TCF21: variants seen among roughly 807,000 people sequenced by gnomAD.
TCF21 encodes capsulin.
Under a neutral mutation model 13.5 loss-of-function variants are expected in TCF21, and 3 were observed. The ratio of observed to expected loss-of-function variants is 0.22; its 90% CI spans 0.10 to 0.57. TCF21 has a LOEUF of 0.57. Among genes scored for constraint, TCF21 ranks in the 20% least tolerant of loss-of-function variants. The pLI is 0.92. For synonymous variants in TCF21, 92 were observed against 101.7 expected, an observed-to-expected ratio of 0.90 and a Z score of 0.57; for missense variants, 181 against 238.4, an observed-to-expected ratio of 0.76 and a Z score of 1.59.
chr6:133,891,193 A>C (rs951070482), intron 1 of TCF21, among the ~76,000 whole-genome samples: 1 of 152,242 alleles, frequency 6.6e-6, no homozygotes, highest in Admixed American at 6.5e-5. Context: ...TTGCGATGGA[A>C]GAAACGAAAG....
At position 133,891,933 on chromosome 6, in the gene TCF21, G is replaced by T. The variant is rs536221601; in HGVS notation, c.*131G>T. ...CTCCTCTCTCTGTCCCACCCCGCGA[G>T]AACACTTTACAACGACGAGGAGATT... On this transcript the variant is annotated 3_prime_UTR_variant, in exon 2 of 2. Transcript: ENST00000367882. The T allele has an allele frequency of 6.9e-4, 615 of 890,050 alleles. 11 individuals are homozygous for T. The South Asian group carries it at 9.3e-3, about 13-fold the overall frequency. 55.1% of individuals were successfully genotyped at this position (890,050 alleles called of 1,614,324 possible).
chr6:133,890,161 C>T (rs1775186873), intron 1 of TCF21, among the ~76,000 whole-genome samples: 1 of 152,230 alleles, frequency 6.6e-6, no homozygotes, highest in South Asian at 2.1e-4. Flanking sequence ...TCGCCATCCT[C>T]CCTGGGGTGC....
downstream of TCF21, chr6:133,893,656 C>T (rs1052011892): frequency 6.6e-6 from 1 of 152,234 alleles, no homozygotes; most frequent in Non-Finnish European, 1.5e-5. Flanking sequence ...CTCCCACTCA[C>T]GTTTTTACAA....
downstream of TCF21, chr6:133,894,053 G>A (rs1451158414): frequency 6.6e-6 from 1 of 152,164 alleles, no homozygotes; most frequent in Admixed American, 6.5e-5. Flanking sequence ...CTTGGTAAAG[G>A]AAAAGCTCCG....
downstream of TCF21, chr6:133,894,473 A>C (rs1443245233): frequency 6.6e-6 from 1 of 152,204 alleles, no homozygotes; most frequent in Non-Finnish European, 1.5e-5. Context: ...AGTGAGGATC[A>C]AGGTGGGAAT....
rs1277108714 is a variant in TCF21 at position 133,891,814 on chromosome 6, C to T, written c.*12C>T. ...CCACCGCGTCCTGACCTTGGAGGTG[C>T]GAGTCTGGGAAAGGCGCGCTCCCGG... On this transcript the variant is annotated 3_prime_UTR_variant, in exon 2 of 2. Transcript: ENST00000367882. The T allele has an allele frequency of 2.8e-5, 45 of 1,613,292 alleles. No individual in the cohort carries two copies. Among genetic ancestry groups the T allele is most frequent in the Non-Finnish European group, 3.6e-5 (43 of 1,179,536 alleles).
In TCF21 at chr6:133,889,327, C is replaced by T; in HGVS notation, c.-71C>T. The T allele has an allele frequency of 1.9e-6, 3 of 1,588,174 alleles. No individual in the cohort carries two copies. In the South Asian group the frequency reaches 3.3e-5, roughly 18 times the overall value. Reference sequence around the variant, plus strand: ...GGTTTCAGGGTCTCTCTGTCTCTCTCTCACCCTCTTCCTCGCTTTCTCTGT... The same window carrying T: ...GGTTTCAGGGTCTCTCTGTCTCTCTTTCACCCTCTTCCTCGCTTTCTCTGT... On this transcript the variant is annotated 5_prime_UTR_variant, in exon 1 of 2. Coordinates refer to ENST00000367882, the MANE Select transcript of TCF21 (RefSeq NM_003206.4). The surrounding 1 kb of genome is among the most constrained non-coding windows in gnomAD (Gnocchi z 5.1).
Position 133,889,481 on chromosome 6 carries a change from C to A in TCF21, c.84C>A (p.Asn28Lys). 1 of 1,614,098 alleles carries A rather than the reference C, an allele frequency of 6.2e-7. No individual in the cohort carries two copies. ...GTGACGGGTTGAAAATGGATTCGAA[C>A]AAGGAATTTGTGACTTCCAACGAGA... Reference protein sequence around the residue: ...LECDGLKMDSNKEFVTSNEST... With the variant: ...LECDGLKMDSKKEFVTSNEST... The change falls in exon 1 of 2, where the codon AAC becomes AAA. Residue 28 changes from asparagine to lysine, a missense_variant. Around this residue, in one of 3 missense-constraint regions of TCF21, gnomAD observed 91 missense variants for 98.5 expected, o/e 0.92. Coordinates refer to ENST00000367882, the MANE Select transcript of TCF21 (RefSeq NM_003206.4). The surrounding 1 kb of genome is among the most constrained non-coding windows in gnomAD (Gnocchi z 5.1).
rs1002340232 is a variant in TCF21, at chr6:133,889,191, C to A, written c.-207C>A. 4.8e-6 allele frequency: 3 copies of A among 621,424 alleles called. No individual in the cohort carries two copies. The African/African-American group carries it at 5.5e-5, about 11-fold the overall frequency. 38.5% of individuals were successfully genotyped at this position (621,424 alleles called of 1,614,324 possible). ...AGCCGGTTCCTCTGCTGCAGAAGTC[C>A]TCGGGGTTCCTTCTCACAACTCTGC... On this transcript the variant is annotated 5_prime_UTR_variant, in exon 1 of 2. Coordinates refer to ENST00000367882, the MANE Select transcript of TCF21 (RefSeq NM_003206.4). The surrounding 1 kb of genome is among the most constrained non-coding windows in gnomAD (Gnocchi z 5.1).
chr6:133,890,340 A>G (rs1775190664), intron 1 of TCF21, among the ~76,000 whole-genome samples: 1 of 152,206 alleles, frequency 6.6e-6, no homozygotes, highest in Non-Finnish European at 1.5e-5. Flanking sequence ...CCATTGGATA[A>G]GGACACATCT....
At chr6:133,893,328 G>T (rs1416298966), downstream of TCF21, 1 of 152,396 alleles carries the variant, frequency 6.6e-6, no homozygotes, top group Non-Finnish European at 1.5e-5. Flanking sequence ...TTACCAAGGG[G>T]TGGCGACCAC....
In TCF21 at chr6:133,889,869, G is replaced by A. The variant is rs376363578; in HGVS notation, c.450+22G>A. 142 of 1,612,276 alleles carry A rather than the reference G, an allele frequency of 8.8e-5. No individual in the cohort carries two copies. The highest frequency in any genetic ancestry group is 9.7e-5 in the Non-Finnish European group (115 of 1,179,612). ...CCTGGTGAGTGCTCCCGGGGCTGCA[G>A]CTGCAGTCCAGGCGCGCCCGCACTC... On this transcript the variant is annotated intron_variant, in intron 1 of 1. Transcript: ENST00000367882. The surrounding 1 kb of genome is among the most constrained non-coding windows in gnomAD (Gnocchi z 5.1).
At chr6:133,891,651 C>G (rs13217297) in intron 1 of TCF21, 62 bp from the exon 2 acceptor site, 5 of 1,515,624 alleles carry the variant, frequency 3.3e-6, no homozygotes, top group Non-Finnish European at 4.5e-6. Context: ...TCTCAGGCCC[C>G]GAGTCCACCC....
In TCF21 at chr6:133,889,362, T is replaced by TCC. The variant is rs1554298829; in HGVS notation, c.-35_-34insCC. 1 of 1,569,360 alleles carries TCC rather than the reference T, an allele frequency of 6.4e-7. No homozygotes were observed. On this transcript the variant is annotated 5_prime_UTR_variant, in exon 1 of 2. Transcript: ENST00000367882. The surrounding 1 kb of genome is among the most constrained non-coding windows in gnomAD (Gnocchi z 5.1). ...TCCTCGCTTTCTCTGTCTCTCTGTCTCTCTCTCTCTCTCTCCCTCGTCCAC... is the reference window on the plus strand; with the variant it reads ...TCCTCGCTTTCTCTGTCTCTCTGTCTCCCTCTCTCTCTCTCTCCCTCGTCCAC...
Position 133,889,840 on chromosome 6 carries a change from T to G in TCF21, c.443T>G (p.Val148Gly). The G allele has an allele frequency of 6.2e-7, 1 of 1,612,760 alleles. No individual in the cohort carries two copies. The highest frequency in any genetic ancestry group is 8.5e-7 in the Non-Finnish European group (1 of 1,179,792). Residue 148 changes from valine to glycine, a missense_variant, in exon 1 of 2, where the codon GTC (valine) becomes GGC (glycine). Val to Gly is a moderately radical substitution (Grantham distance 109, BLOSUM62 -3). This residue lies in a region of TCF21 where 55 missense variants were observed against 59.5 expected (regional missense o/e 0.92). Transcript: ENST00000367882. The surrounding 1 kb of genome is among the most constrained non-coding windows in gnomAD (Gnocchi z 5.1). ...TACGAGAACGGGTACATTCACCCGG[T>G]CAACCTGGTGAGTGCTCCCGGGGCT... ...DKYENGYIHP[V>G]NLTWPFMVAG...
rs1775182380 is a variant in TCF21, at chr6:133,889,965, C to G, written c.450+118C>G. ...GTGGGCGCGGCGGTGACTTACACAT[C>G]TCGACCACCGCGGGCCTAGAGCCTC... On this transcript the variant is annotated intron_variant, in intron 1 of 1. Transcript: ENST00000367882. The surrounding 1 kb of genome is among the most constrained non-coding windows in gnomAD (Gnocchi z 5.1). 5.6e-5 allele frequency: 65 copies of G among 1,159,556 alleles called. 2 individuals carry two copies. The South Asian group carries it at 6.7e-4, about 12-fold the overall frequency. The allele number at this position is 1,159,556 out of a possible 1,614,324, so 71.8% of individuals were successfully genotyped here. A position where few individuals can be genotyped will look rare whatever the true frequency, so the allele number is the denominator to read the frequency against.
downstream of TCF21, chr6:133,892,444 T>C (rs182067699): frequency 1.5e-3 from 224 of 152,338 alleles, no homozygotes; most frequent in African/African-American, 4.6e-3. Flanking sequence ...AAAAAAGAAA[T>C]ATATCGGTTA....
At chr6:133,893,958 T>A (rs757626343), downstream of TCF21, 7 of 152,212 alleles carry the variant, frequency 4.6e-5, no homozygotes, top group Non-Finnish European at 1.0e-4. Flanking sequence ...GTAATGAGAA[T>A]GATAATAATC....
chr6:133,891,723 T>C lies in TCF21; in HGVS notation c.461T>C (p.Phe154Ser). ...YIHPVNLTWPFMVAGKPESDL... is the reference protein window; with the variant it reads ...YIHPVNLTWPSMVAGKPESDL... ...TCTTCTTTCCCGCAGACGTGGCCCTTTATGGTGGCCGGGAAACCCGAGAGT... is the reference window on the plus strand; with the variant it reads ...TCTTCTTTCCCGCAGACGTGGCCCTCTATGGTGGCCGGGAAACCCGAGAGT... Residue 154 changes from phenylalanine to serine, a missense_variant, in exon 2 of 2, where the codon TTT becomes TCT. Coordinates refer to ENST00000367882, the MANE Select transcript of TCF21 (RefSeq NM_003206.4). 6.2e-7 allele frequency: 1 copy of C among 1,610,380 alleles called. No individual in the cohort carries two copies. Among genetic ancestry groups the C allele is most frequent in the Non-Finnish European group, 8.5e-7 (1 of 1,177,866 alleles).
Sources: allele counts gnomAD v4.1 joint callset (sites outside exome capture counted in the v4.1 genomes callset), GRCh38; gene constraint gnomAD v4.1.1; regional missense constraint gnomAD v4.1.1; non-coding constraint Gnocchi (gnomAD v3.1); transcripts MANE v1.5; gene names NCBI Gene and HGNC (gene_info 2026-07-23, HGNC 2026-07-21).